The following CXXC5 variants were observed in gnomAD, a reference collection of about 807,000 sequenced individuals.
CXXC5 encodes CXXC-type zinc finger protein 5.
Under a neutral mutation model 17.6 loss-of-function variants are expected in CXXC5, and 2 were observed. The observed-to-expected ratio is 0.11, with a 90% CI of 0.05 to 0.36. The LOEUF is 0.36. Among genes scored for constraint, CXXC5 ranks in the 10% least tolerant of loss-of-function variants. CXXC5 has a pLI of 1.00. For missense variants in CXXC5, 343 were observed against 458.3 expected (o/e 0.75, Z 2.30); for synonymous variants, 171 against 193.0 (o/e 0.89, Z 0.94).
At chr5:139,669,250 G>A (rs1032971218) in intron 1 of CXXC5, among the ~76,000 whole-genome samples, 13 of 152,188 alleles carry the variant, frequency 8.5e-5, no homozygotes, top group Admixed American at 3.9e-4. Flanking sequence ...ACTCAGCTCT[G>A]CCCGCCTGCC....
At chr5:139,679,081 G>A (rs189531215) in intron 1 of CXXC5, among the ~76,000 whole-genome samples, 1 of 152,320 alleles carries the variant, frequency 6.6e-6, no homozygotes, top group East Asian at 1.9e-4. Flanking sequence ...GGCTCCTGCT[G>A]GGCTCCATTC....
chr5:139,667,512 C>T (rs1756175164), intron 1 of CXXC5, among the ~76,000 whole-genome samples: 1 of 152,220 alleles, frequency 6.6e-6, no homozygotes, highest in Non-Finnish European at 1.5e-5. Context: ...CAAGGTCACA[C>T]AGCCTGTTGA....
rs1374750046 is a variant in CXXC5, at chr5:139,663,743, G to A, written c.-161+14898G>A. ...CGTTCACACTTATGCTGGCAGATGT[G>A]GACAGTAAAAACAACAACATGGCTA... On this transcript the variant is annotated intron_variant, in intron 1 of 2. Coordinates refer to ENST00000302517, the MANE Select transcript of CXXC5 (RefSeq NM_016463.9). The surrounding 1 kb of genome is among the most constrained non-coding windows in gnomAD (Gnocchi z 4.2). Among the ~76,000 whole-genome samples, 1 of 152,138 alleles carries A rather than the reference G, an allele frequency of 6.6e-6. No individual in the cohort carries two copies. Among genetic ancestry groups the A allele is most frequent in the Non-Finnish European group, 1.5e-5 (1 of 68,016 alleles).
Position 139,678,134 on chromosome 5 carries a change from C to CCAGGG in CXXC5, c.-160-2221_-160-2217dup, listed in dbSNP as rs1448594479. 2.6e-5 allele frequency among the ~76,000 whole-genome samples: 4 copies of CCAGGG among 152,340 alleles called. No individual in the cohort carries two copies. The East Asian group carries it at 7.7e-4, about 29-fold the overall frequency. On this transcript the variant is annotated intron_variant, in intron 1 of 2. Coordinates refer to ENST00000302517, the MANE Select transcript of CXXC5 (RefSeq NM_016463.9). Reference sequence around the variant, plus strand: ...GTATCTGGGCTGCCGGGGTTGTCGTCCAGGGCAGGGCAGATGAGCTTAGTT... The same window carrying CCAGGG: ...GTATCTGGGCTGCCGGGGTTGTCGTCCAGGGCAGGGCAGGGCAGATGAGCTTAGTT...
In CXXC5 at chr5:139,670,912, T is replaced by C. The variant is rs1756427686; in HGVS notation, c.-160-9452T>C. On this transcript the variant is annotated intron_variant, in intron 1 of 2. Coordinates refer to ENST00000302517, the MANE Select transcript of CXXC5 (RefSeq NM_016463.9). This position sits in a 1 kb window ranked among gnomAD's most constrained non-coding sequence, Gnocchi z 4.2. ...ACAGTTGTGCAGCACACCTCCCAGG[T>C]AGACACGCGAAAACACACTGTATGC... is the stretch of plus-strand genomic sequence containing the variant. Among the ~76,000 whole-genome samples, 1 of 152,202 alleles carries C rather than the reference T, an allele frequency of 6.6e-6. No individual in the cohort carries two copies. The highest frequency in any genetic ancestry group is 6.5e-5 in the Admixed American group (1 of 15,288).
At chr5:139,653,791 T>C (rs1755337216) in intron 1 of CXXC5, among the ~76,000 whole-genome samples, 1 of 152,122 alleles carries the variant, frequency 6.6e-6, no homozygotes, top group African/African-American at 2.4e-5. Context: ...GCCAGCTCAA[T>C]TAGATCGCAA....
chr5:139,661,605 C>T lies in CXXC5; in HGVS notation c.-161+12760C>T, dbSNP rs937570935. Among the ~76,000 whole-genome samples, 2 of 152,236 alleles carry T rather than the reference C, an allele frequency of 1.3e-5. No homozygotes were observed. The highest frequency in any genetic ancestry group is 4.8e-5 in the African/African-American group (2 of 41,456). ...GCGTGCACACATAGGCCACTCTCAC[C>T]CCATTGGCCCCACACACTGGGGCCT... On this transcript the variant is annotated intron_variant, in intron 1 of 2. Transcript: ENST00000302517. The surrounding 1 kb of genome is among the most constrained non-coding windows in gnomAD (Gnocchi z 4.7).
chr5:139,675,177 T>C (rs556355939), intron 1 of CXXC5, among the ~76,000 whole-genome samples: 2 of 152,292 alleles, frequency 1.3e-5, no homozygotes, highest in African/African-American at 4.8e-5. Context: ...ACAGGGCTGC[T>C]GTCGAGGTAG....
At position 139,680,756 on chromosome 5, in the gene CXXC5, C is replaced by T. The variant is rs375704655; in HGVS notation, c.233C>T (p.Pro78Leu). 23 of 1,613,436 alleles carry T rather than the reference C, an allele frequency of 1.4e-5. No individual in the cohort carries two copies. Among genetic ancestry groups the T allele is most frequent in the Middle Eastern group, 1.6e-4 (1 of 6,084 alleles). The change falls in exon 2 of 3, where the codon CCG (proline) becomes CTG (leucine). Residue 78 changes from proline to leucine, a missense_variant. Pro to Leu is a moderately conservative substitution (Grantham distance 98, BLOSUM62 -3). Coordinates refer to ENST00000302517, the MANE Select transcript of CXXC5 (RefSeq NM_016463.9). ...PLNKSLRRSR[P>L]LSHYSSFGSS... ...AACAAGAGCCTGCGCCGCTCCCGCCCGCTCTCCCACTACTCTTCTTTTGGC... is the reference window on the plus strand; with the variant it reads ...AACAAGAGCCTGCGCCGCTCCCGCCTGCTCTCCCACTACTCTTCTTTTGGC...
chr5:139,655,387 C>T (rs543678086), intron 1 of CXXC5, among the ~76,000 whole-genome samples: 12 of 151,910 alleles, frequency 7.9e-5, no homozygotes, highest in South Asian at 6.3e-4. Flanking sequence ...CCCTTCAAGC[C>T]GGCCCCCTAC....
chr5:139,660,053 G>A (rs1755705187), intron 1 of CXXC5, among the ~76,000 whole-genome samples: 1 of 152,232 alleles, frequency 6.6e-6, no homozygotes, highest in Non-Finnish European at 1.5e-5. Flanking sequence ...GCAGGCAGGA[G>A]GAGGGAAGCT....
chr5:139,655,308 C>G (rs892407309), intron 1 of CXXC5, among the ~76,000 whole-genome samples: 5 of 152,118 alleles, frequency 3.3e-5, no homozygotes, highest in Non-Finnish European at 7.4e-5. Context: ...TTCCCCATTG[C>G]TCCCTGGCTA....
rs1196863448 is a variant in CXXC5 at position 139,648,809 on chromosome 5, A to ACGG, written c.-190_-188dup. On this transcript the variant is annotated 5_prime_UTR_variant, in exon 1 of 3. Coordinates refer to ENST00000302517, the MANE Select transcript of CXXC5 (RefSeq NM_016463.9). ...GCCCCTCCCCCTCGGCCTCGCGGCGACGGCGGCGGTGGCGGCTTGGACGAC... is the reference window on the plus strand; with the variant it reads ...GCCCCTCCCCCTCGGCCTCGCGGCGACGGCGGCGGCGGTGGCGGCTTGGACGAC... The ACGG allele has an allele frequency of 6.6e-6, 1 of 152,314 alleles. No individual in the cohort carries two copies. Among genetic ancestry groups the ACGG allele is most frequent in the Non-Finnish European group, 1.5e-5 (1 of 68,288 alleles). 9.4% of individuals were successfully genotyped at this position (152,314 alleles called of 1,614,324 possible).
intron 1 of CXXC5, chr5:139,650,923 T>G (rs977820118): frequency 3.3e-5 from 5 of 152,134 alleles, no homozygotes; most frequent in Non-Finnish European, 7.3e-5. Context: ...GCTCTGCAGC[T>G]GTCACCCCCC....
rs951274752 is a variant in CXXC5, at chr5:139,670,580, T to C, written c.-160-9784T>C. ...ACACAACTCACAGTGCATGCGGACA[T>C]ACACACACTGGCATTCATGCGGCAA... On this transcript the variant is annotated intron_variant, in intron 1 of 2. Transcript: ENST00000302517. The surrounding 1 kb of genome is among the most constrained non-coding windows in gnomAD (Gnocchi z 4.2). Among the ~76,000 whole-genome samples the C allele has an allele frequency of 6.6e-6, 1 of 152,166 alleles. No homozygotes were observed. The highest frequency in any genetic ancestry group is 1.5e-5 in the Non-Finnish European group (1 of 68,040).
Position 139,668,349 on chromosome 5 carries a change from G to A in CXXC5, c.-160-12015G>A, listed in dbSNP as rs1342866067. On this transcript the variant is annotated intron_variant, in intron 1 of 2. Coordinates refer to ENST00000302517, the MANE Select transcript of CXXC5 (RefSeq NM_016463.9). The surrounding 1 kb of genome is among the most constrained non-coding windows in gnomAD (Gnocchi z 4.1). ...CCCGCCGCGGCTCAGGGCGCCTCCCGGCTCCCTGCCGCCTCCCAGCCGGAC... is the reference window on the plus strand; with the variant it reads ...CCCGCCGCGGCTCAGGGCGCCTCCCAGCTCCCTGCCGCCTCCCAGCCGGAC... Among the ~76,000 whole-genome samples the A allele has an allele frequency of 6.6e-6, 1 of 151,976 alleles. No homozygotes were observed. Among genetic ancestry groups the A allele is most frequent in the Non-Finnish European group, 1.5e-5 (1 of 67,938 alleles).
At chr5:139,677,388 C>T (rs1756909302) in intron 1 of CXXC5, among the ~76,000 whole-genome samples, 1 of 152,080 alleles carries the variant, frequency 6.6e-6, no homozygotes, top group Non-Finnish European at 1.5e-5. Context: ...CCCTCTATGT[C>T]CTCCTCTTCC....
intron 1 of CXXC5, among the ~76,000 whole-genome samples, chr5:139,660,839 G>A (rs1226129651): frequency 6.6e-6 from 1 of 152,134 alleles, no homozygotes; most frequent in East Asian, 1.9e-4. Flanking sequence ...GCTGCATTTA[G>A]TCTGGACAGA....
intron 2 of CXXC5, among the ~76,000 whole-genome samples, chr5:139,682,466 C>T (rs1287326874): frequency 6.6e-6 from 1 of 152,146 alleles, no homozygotes; most frequent in Non-Finnish European, 1.5e-5. Context: ...CTCAAATACC[C>T]ACCTCCCACA....
Sources: gnomAD v4.1 joint callset for allele counts (sites outside exome capture counted in the v4.1 genomes callset) on GRCh38, gnomAD v4.1.1 for gene constraint, Gnocchi (gnomAD v3.1) non-coding constraint, MANE v1.5 for transcripts, NCBI Gene and HGNC (gene_info 2026-07-23, HGNC 2026-07-21) for gene names.